TNS1: variants seen among roughly 807,000 people sequenced by gnomAD.
The protein encoded by TNS1 is tensin 1, also known as tensin-1.
A neutral mutation model predicts 168.6 loss-of-function variants in TNS1; 62 were observed. That is an observed-to-expected ratio of 0.37 (90% CI 0.30 to 0.45). The LOEUF is 0.45. TNS1 is among the 20% of genes least tolerant of loss of function. TNS1 has a pLI of 1.00. For missense variants in TNS1, 2,240 were observed against 2,339.4 expected (o/e 0.96, Z 0.88); for synonymous variants, 934 against 933.2 (o/e 1.00, Z -0.02).
chr2:218,023,519 C>A (rs2106011190), intron 1 of TNS1, among the ~76,000 whole-genome samples: 1 of 152,302 alleles, frequency 6.6e-6, no homozygotes, highest in South Asian at 2.1e-4. Flanking sequence ...CACCTGTCTC[C>A]TGGCCAAGTC....
At chr2:217,847,288 G>A (rs556226267) in intron 19 of TNS1, among the ~76,000 whole-genome samples, 1 of 152,326 alleles carries the variant, frequency 6.6e-6, no homozygotes, top group African/African-American at 2.4e-5. Flanking sequence ...TTTCTTGAGG[G>A]CAGGAATTGC....
intron 11 of TNS1, 123 bp downstream of exon 11, chr2:217,892,825 T>C: frequency 3.5e-6 from 4 of 1,130,858 alleles, no homozygotes; most frequent in Non-Finnish European, 5.0e-6. Flanking sequence ...CCCGTCCTCA[T>C]CGCTTCTCAT....
Position 217,817,900 on chromosome 2 carries a change from A to C in TNS1, c.4432T>G (p.Ser1478Ala). 1.9e-6 allele frequency: 3 copies of C among 1,613,954 alleles called. No individual in the cohort carries two copies. Among genetic ancestry groups the C allele is most frequent in the Non-Finnish European group, 2.5e-6 (3 of 1,179,880 alleles). ...GGGCTCCCTTGCCGGAAGGCTGCGG[A>C]GTCTGGTGACGGGGAGGTGGCAGGG... ...SSPATSPSPD[S>A]AAFRQGSPTP... Residue 1478 changes from serine (S) to alanine (A), a missense_variant, in exon 24 of 33, where the codon TCC becomes GCC. Physicochemically the swap from Ser to Ala is moderately conservative, Grantham distance 99. Coordinates refer to ENST00000682258, the MANE Select transcript of TNS1 (RefSeq NM_001387777.1).
rs143546354 is a variant in TNS1, at chr2:217,969,614, A to C, written c.186+9151T>G. The stretch of plus-strand genomic sequence containing the variant: ...AAAGACAAATAACCCAATTTTTTAA[A>C]TGAACAATGTCAATAAACATTTCTC... On this transcript the variant is annotated intron_variant, in intron 3 of 32. Coordinates refer to ENST00000682258, the MANE Select transcript of TNS1 (RefSeq NM_001387777.1). 4.5e-3 allele frequency among the ~76,000 whole-genome samples: 684 copies of C among 152,334 alleles called. 3 individuals are homozygous for C. The highest frequency in any genetic ancestry group is 0.016 in the African/African-American group (659 of 41,584).
intron 1 of TNS1, among the ~76,000 whole-genome samples, chr2:217,996,643 C>A (rs1238844616): frequency 6.6e-6 from 1 of 152,086 alleles, no homozygotes; most frequent in Non-Finnish European, 1.5e-5. Context: ...TGAATTTTGC[C>A]TCCTAAACAT....
rs140830200 is a variant in TNS1, at chr2:217,818,037, G to T, written c.4295C>A (p.Thr1432Asn). 2 of 1,603,758 alleles carry T rather than the reference G, an allele frequency of 1.2e-6. No individual in the cohort carries two copies. Among genetic ancestry groups the T allele is most frequent in the Non-Finnish European group, 1.7e-6 (2 of 1,175,266 alleles). ...CAGTGTGGGTCTCCGATCCTCCGGG[G>T]TAGAATAGCCACCATAGGCCACATG... is the stretch of plus-strand genomic sequence containing the variant. ...DRHVAYGGYS[T>N]PEDRRPTLSR... is the part of the protein sequence containing the mutation. Residue 1432 changes from threonine to asparagine, a missense_variant, in exon 24 of 33, where the codon ACC (threonine) becomes AAC (asparagine). Thr to Asn is a moderately conservative substitution (Grantham distance 65). This residue lies in a region of TNS1 where 2,131 missense variants were observed against 2,171.2 expected (regional missense o/e 0.98). Coordinates refer to ENST00000682258, the MANE Select transcript of TNS1 (RefSeq NM_001387777.1).
rs1201004308 is a variant in TNS1 at position 217,817,979 on chromosome 2, A to G, written c.4353T>C (p.Ala1451=). The G allele has an allele frequency of 7.5e-6, 12 of 1,600,642 alleles. No individual in the cohort carries two copies. Among genetic ancestry groups the G allele is most frequent in the Non-Finnish European group, 9.4e-6 (11 of 1,173,524 alleles). Residue 1451 remains alanine (A), a synonymous_variant, in exon 24 of 33, where the codon GCT becomes GCC. Transcript: ENST00000682258. ...SRQSSASGYQ[A]PSTPSFPVSP... is the part of the protein sequence containing the mutation. ...AGACAGGGAAGGAGGGCGTGGAAGG[A>G]GCCTGGTAGCCAGAGGCACTGCTCT... is the stretch of plus-strand genomic sequence containing the variant.
In TNS1 at chr2:217,995,116, C is replaced by A. The variant is rs1177623008; in HGVS notation, c.34-4060G>T. Among the ~76,000 whole-genome samples, 2 of 152,292 alleles carry A rather than the reference C, an allele frequency of 1.3e-5. No homozygotes were observed. Among genetic ancestry groups the A allele is most frequent in the South Asian group, 2.1e-4 (1 of 4,830 alleles). On this transcript the variant is annotated intron_variant, in intron 1 of 32. Coordinates refer to ENST00000682258, the MANE Select transcript of TNS1 (RefSeq NM_001387777.1). The surrounding 1 kb of genome is among the most constrained non-coding windows in gnomAD (Gnocchi z 4.1). The stretch of plus-strand genomic sequence containing the variant: ...GAGTGGAATGAATGAGGAGACATCA[C>A]TCCTCCAAGGAGGAGGCTGTGAAAC...
chr2:217,981,496 T>C (rs1288622726), intron 2 of TNS1, among the ~76,000 whole-genome samples: 1 of 152,168 alleles, frequency 6.6e-6, no homozygotes, highest in Non-Finnish European at 1.5e-5. Context: ...GTGCTTCCTG[T>C]ACACTGGAAT....
rs372836225 is a variant in TNS1, at chr2:217,818,776, G to A, written c.3573-17C>T. ...ACTGAAGTGCTGCAGAGAGATGGCA[G>A]GTTGCGATGTCAGTGGACAGAACTG... is the stretch of plus-strand genomic sequence containing the variant. On this transcript the variant is annotated splice_polypyrimidine_tract_variant and intron_variant, in intron 23 of 32. Transcript: ENST00000682258. The A allele has an allele frequency of 1.3e-6, 2 of 1,589,192 alleles. No individual in the cohort carries two copies. Among genetic ancestry groups the A allele is most frequent in the East Asian group, 2.2e-5 (1 of 44,564 alleles).
rs1958925775 is a variant in TNS1, at chr2:218,033,902, C to G, written c.74G>C (p.Gly25Ala). Reference sequence around the variant, plus strand: ...AGCCCGCGCCGAGACCCAGGGACTCCCCGGGGGCTGGGGACCGCAGAGTGG... The same window carrying G: ...AGCCCGCGCCGAGACCCAGGGACTCGCCGGGGGCTGGGGACCGCAGAGTGG... The change falls in exon 1 of 2, where the codon GGG (glycine) becomes GCG (alanine). Residue 25 changes from glycine to alanine, a missense_variant. Gly to Ala is a moderately conservative substitution (Grantham distance 60). Coordinates refer to the TNS1 transcript ENST00000649572. The surrounding 1 kb of genome is among the most constrained non-coding windows in gnomAD (Gnocchi z 4.3). Among the ~76,000 whole-genome samples, 1 of 152,236 alleles carries G rather than the reference C, an allele frequency of 6.6e-6. No individual in the cohort carries two copies.
At position 217,862,852 on chromosome 2, in the gene TNS1, C is replaced by T. The variant is rs964416936; in HGVS notation, c.1430-13765G>A. ...ACAAATGTCTGCAGGTCTAGCTGTG[C>T]GAGGAAAGTAGGATATTGGTGGACA... On this transcript the variant is annotated intron_variant, in intron 18 of 32. Coordinates refer to ENST00000682258, the MANE Select transcript of TNS1 (RefSeq NM_001387777.1). 5.5e-4 allele frequency among the ~76,000 whole-genome samples: 84 copies of T among 152,166 alleles called. 2 individuals carry two copies. The highest frequency in any genetic ancestry group is 4.0e-4 in the Non-Finnish European group (27 of 68,030).
At chr2:217,893,601 T>C in intron 9 of TNS1, 40 bp from the exon 10 acceptor site, 2 of 1,567,016 alleles carry the variant, frequency 1.3e-6, no homozygotes, top group Non-Finnish European at 1.7e-6. Flanking sequence ...GCAGAAGCCC[T>C]GCAGAGCCAA....
intron 32 of TNS1, among the ~76,000 whole-genome samples, chr2:217,807,244 G>A (rs565758697): frequency 1.3e-5 from 2 of 152,312 alleles, no homozygotes; most frequent in Admixed American, 1.3e-4. Flanking sequence ...AGGGCTGTTG[G>A]AATAATCCTG....
chr2:217,819,821 T>C (rs1378758744), intron 23 of TNS1, among the ~76,000 whole-genome samples: 2 of 152,102 alleles, frequency 1.3e-5, no homozygotes, highest in Admixed American at 1.3e-4. Context: ...AGGCAGGCTG[T>C]GCACCAGGAA....
intron 18 of TNS1, among the ~76,000 whole-genome samples, chr2:217,870,976 G>A (rs1949721974): frequency 6.6e-6 from 1 of 152,228 alleles, no homozygotes; most frequent in Non-Finnish European, 1.5e-5. Context: ...AGTGAGTCAG[G>A]AGAGGACTCC....
chr2:217,841,329 C>T lies in TNS1; in HGVS notation c.3008-5118G>A, dbSNP rs566680196. The T allele has an allele frequency of 7.2e-4, 696 of 969,728 alleles. 1 individual carries two copies. Among genetic ancestry groups the T allele is most frequent in the Middle Eastern group, 1.6e-3 (3 of 1,888 alleles). The allele number at this position is 969,728 out of a possible 1,614,324, so 60.1% of individuals were successfully genotyped here. ...AGGGGAGCCAGCAGGGAGTGGGAGG[C>T]AGGAAGGAAGGGAGGATATGGGGCA... On this transcript the variant is annotated intron_variant, in intron 19 of 32. Transcript: ENST00000682258.
intron 12 of TNS1, among the ~76,000 whole-genome samples, chr2:217,889,206 C>T (rs772870326): frequency 2.0e-5 from 3 of 152,382 alleles, no homozygotes; most frequent in East Asian, 1.9e-4. Flanking sequence ...TGGTTGCTGA[C>T]TCTGAGGCTG....
intron 30 of TNS1, among the ~76,000 whole-genome samples, chr2:217,809,478 T>TA (rs1940258662): frequency 4.8e-5 from 4 of 83,154 alleles, no homozygotes; most frequent in Admixed American, 1.2e-4. Context: ...GATGGATGGA[T>TA]GGATGGATGG....
Sources: gnomAD v4.1 joint callset for allele counts (sites outside exome capture counted in the v4.1 genomes callset) on GRCh38, gnomAD v4.1.1 for gene constraint, gnomAD v4.1.1 regional missense constraint, Gnocchi (gnomAD v3.1) non-coding constraint, MANE v1.5 for transcripts, NCBI Gene and HGNC (gene_info 2026-07-23, HGNC 2026-07-21) for gene names.